Variants in TMEM108 observed in about 807,000 individuals in gnomAD.
TMEM108 encodes cancer/testis antigen 124.
Under a neutral mutation model 35.1 loss-of-function variants are expected in TMEM108, and 12 were observed. The ratio of observed to expected loss-of-function variants is 0.34; its 90% confidence interval spans 0.22 to 0.55. TMEM108 has a LOEUF of 0.55. Ranked by LOEUF, TMEM108 falls within the 20% of genes least tolerant of loss-of-function variation. TMEM108 has a pLI of 0.89. For synonymous variants in TMEM108, 287 were observed against 308.6 expected (o/e 0.93, Z 0.73); for missense variants, 680 against 753.3 (o/e 0.90, Z 1.14).
chr3:133,280,566 G>A (rs1229271294), intron 3 of TMEM108, among the ~76,000 whole-genome samples: 2 of 152,160 alleles, frequency 1.3e-5, no homozygotes, highest in African/African-American at 4.8e-5. Flanking sequence ...CATTTGCTCT[G>A]TGAGGCCCGA....
At chr3:133,276,514 T>A (rs910039638) in intron 3 of TMEM108, among the ~76,000 whole-genome samples, 13 of 152,332 alleles carry the variant, frequency 8.5e-5, no homozygotes, top group African/African-American at 3.1e-4. Context: ...TAACAGGTGT[T>A]CTTAATTGAC....
chr3:133,107,455 GGTGT>G (rs59305794), intron 2 of TMEM108, among the ~76,000 whole-genome samples: 6,911 of 143,500 alleles, frequency 0.048, 187 homozygotes, highest in East Asian at 0.072. Context: ...AAGTGTATGT[GGTGT>G]GTGTGTGTGT....
chr3:133,263,092 T>C (rs1946646733), intron 3 of TMEM108, among the ~76,000 whole-genome samples: 1 of 152,194 alleles, frequency 6.6e-6, no homozygotes, highest in Admixed American at 6.5e-5. Context: ...TCCTGACCTA[T>C]TGAGAATGCC....
intron 3 of TMEM108, among the ~76,000 whole-genome samples, chr3:133,359,413 A>C (rs1385158464): frequency 6.6e-6 from 1 of 152,188 alleles, no homozygotes; most frequent in Non-Finnish European, 1.5e-5. Flanking sequence ...AGCTCCTGAG[A>C]ACACACTTTG....
intron 4 of TMEM108, chr3:133,387,793 A>G: frequency 4.1e-6 from 4 of 968,278 alleles, no homozygotes; most frequent in Non-Finnish European, 4.9e-6. Context: ...TACTCAAGTC[A>G]TGCAAGTAAT....
At chr3:133,053,118 C>G (rs1368375297) in intron 2 of TMEM108, among the ~76,000 whole-genome samples, 1 of 152,094 alleles carries the variant, frequency 6.6e-6, no homozygotes, top group Non-Finnish European at 1.5e-5. Flanking sequence ...TCAGGGTCTC[C>G]TACTGCAAGA....
intron 2 of TMEM108, among the ~76,000 whole-genome samples, chr3:133,114,267 A>G (rs1944260081): frequency 6.6e-6 from 1 of 152,210 alleles, no homozygotes; most frequent in Non-Finnish European, 1.5e-5. Context: ...GTAAGCATGT[A>G]GGAAATTTTG....
chr3:133,352,035 T>C (rs1480146600), intron 3 of TMEM108, among the ~76,000 whole-genome samples: 2 of 152,190 alleles, frequency 1.3e-5, no homozygotes, highest in African/African-American at 4.8e-5. Flanking sequence ...TCTTAAAAGC[T>C]AATGTTAACC....
chr3:133,099,176 C>G (rs1402550945), intron 2 of TMEM108, among the ~76,000 whole-genome samples: 1 of 152,218 alleles, frequency 6.6e-6, no homozygotes, highest in African/African-American at 2.4e-5. Context: ...GGCTCAACAC[C>G]ACATGGAAGC....
intron 3 of TMEM108, among the ~76,000 whole-genome samples, chr3:133,281,351 A>G (rs1194992850): frequency 6.6e-6 from 1 of 152,226 alleles, no homozygotes; most frequent in Non-Finnish European, 1.5e-5. Flanking sequence ...TAGAAAAAAT[A>G]GGGTGTGCAC....
intron 3 of TMEM108, among the ~76,000 whole-genome samples, chr3:133,236,229 A>G (rs963195781): frequency 1.3e-5 from 2 of 152,096 alleles, no homozygotes; most frequent in African/African-American, 4.8e-5. Flanking sequence ...TAGCTCATTC[A>G]TGCACCCTTT....
At chr3:133,220,031 T>A (rs2107850471) in intron 2 of TMEM108, among the ~76,000 whole-genome samples, 1 of 152,002 alleles carries the variant, frequency 6.6e-6, no homozygotes, top group Admixed American at 6.5e-5. Context: ...TTATATCCTC[T>A]TGATGAATTG....
At chr3:133,070,413 C>A (rs1478177991) in intron 2 of TMEM108, among the ~76,000 whole-genome samples, 1 of 152,138 alleles carries the variant, frequency 6.6e-6, no homozygotes, top group Non-Finnish European at 1.5e-5. Context: ...GTACCTGCTG[C>A]TGCTGCCTTT....
intron 3 of TMEM108, among the ~76,000 whole-genome samples, chr3:133,300,998 A>G (rs1456353041): frequency 2.1e-4 from 14 of 65,684 alleles, no homozygotes; most frequent in African/African-American, 5.5e-4. Context: ...ACACACACAC[A>G]CACACACACA....
At chr3:133,129,359 C>G (rs367710851) in intron 2 of TMEM108, among the ~76,000 whole-genome samples, 4 of 123,036 alleles carry the variant, frequency 3.3e-5, no homozygotes, top group African/African-American at 1.3e-4. Flanking sequence ...CCCCCCCCCC[C>G]AAAAAAAAAT....
chr3:133,172,815 T>G (rs1036014668), intron 2 of TMEM108, among the ~76,000 whole-genome samples: 3 of 152,272 alleles, frequency 2.0e-5, no homozygotes. Flanking sequence ...AGGGACCTGG[T>G]GGGAAGTAAT....
chr3:133,169,700 C>T (rs958877831), intron 2 of TMEM108, among the ~76,000 whole-genome samples: 16 of 152,220 alleles, frequency 1.1e-4, no homozygotes, highest in Non-Finnish European at 4.4e-5. Context: ...ACCACTGTAG[C>T]CTTCCCTCCA....
intron 3 of TMEM108, among the ~76,000 whole-genome samples, chr3:133,288,392 A>G (rs762469422): frequency 6.6e-6 from 1 of 152,226 alleles, no homozygotes; most frequent in Non-Finnish European, 1.5e-5. Flanking sequence ...AAGAAATCAG[A>G]CCAAGCTTGA....
At chr3:133,309,935 C>G (rs1198616047) in intron 3 of TMEM108, among the ~76,000 whole-genome samples, 5 of 151,940 alleles carry the variant, frequency 3.3e-5, no homozygotes, top group African/African-American at 1.2e-4. Flanking sequence ...CTCCTGACCT[C>G]GTGATCCACC....
Sources: gnomAD v4.1 joint callset for allele counts (sites outside exome capture counted in the v4.1 genomes callset) on GRCh38, gnomAD v4.1.1 for gene constraint, MANE v1.5 for transcripts, NCBI Gene and HGNC (gene_info 2026-07-23, HGNC 2026-07-21) for gene names.